Variants in DNAH7 observed in about 807,000 individuals in gnomAD.
The protein encoded by DNAH7 is dynein axonemal heavy chain 7, also known as axonemal beta dynein heavy chain 7.
DNAH7 carries 397 observed loss-of-function variants against 444.6 expected under a neutral mutation model. That is an observed-to-expected ratio of 0.89 (90% CI 0.82 to 0.97). The LOEUF (loss-of-function observed/expected upper bound fraction) is 0.97, where lower values mean the gene tolerates loss of function less well. Among genes scored for constraint, DNAH7 ranks in the 50% least tolerant of loss-of-function variants. The pLI is 0.00. For missense variants in DNAH7, 4,902 were observed against 4,800.8 expected (o/e 1.02, Z -0.62); for synonymous variants, 1,636 against 1,624.4 (o/e 1.01, Z -0.17).
At position 195,817,099 on chromosome 2, in the gene DNAH7, A is replaced by G. The variant is rs931340434; in HGVS notation, c.9426-136T>C. ...TTTGTGACAAATATCTGTAATGGTG[A>G]TGCCTTATAATTAATTTCTTATCTC... On this transcript the variant is annotated intron_variant, in intron 50 of 64. Coordinates refer to ENST00000312428, the MANE Select transcript of DNAH7 (RefSeq NM_018897.3). The G allele has an allele frequency of 3.6e-5, 23 of 637,858 alleles. No homozygotes were observed. In the East Asian group the frequency reaches 6.4e-4, roughly 18 times the overall value. 39.5% of individuals were successfully genotyped at this position (637,858 alleles called of 1,614,324 possible).
At chr2:195,871,228 C>T (rs994240593) in intron 40 of DNAH7, among the ~76,000 whole-genome samples, 3 of 152,170 alleles carry the variant, frequency 2.0e-5, no homozygotes, top group African/African-American at 4.8e-5. Flanking sequence ...TTTTAAAAGA[C>T]CTTTTGAAAT....
At chr2:195,822,201 C>A (rs1489805581) in intron 49 of DNAH7, among the ~76,000 whole-genome samples, 1 of 152,042 alleles carries the variant, frequency 6.6e-6, no homozygotes, top group African/African-American at 2.4e-5. Context: ...AGATATTTTC[C>A]CTATTGGCAT....
chr2:195,950,597 C>G (rs1012624221), intron 19 of DNAH7, among the ~76,000 whole-genome samples: 1 of 151,656 alleles, frequency 6.6e-6, no homozygotes, highest in Non-Finnish European at 1.5e-5. Context: ...GCCTGTAATC[C>G]CAGCACTTTG....
chr2:195,967,151 G>A (rs1691534536), intron 17 of DNAH7, among the ~76,000 whole-genome samples: 1 of 151,982 alleles, frequency 6.6e-6, no homozygotes, highest in South Asian at 2.1e-4. Context: ...AGATTACCAT[G>A]AAGCTTGAAA....
intron 63 of DNAH7, among the ~76,000 whole-genome samples, chr2:195,752,104 A>G (rs1003798066): frequency 1.3e-5 from 2 of 151,998 alleles, no homozygotes; most frequent in African/African-American, 4.8e-5. Flanking sequence ...GACCCTGTCT[A>G]TACAAAAAAA....
intron 56 of DNAH7, among the ~76,000 whole-genome samples, chr2:195,795,055 A>G (rs1696069444): frequency 6.6e-6 from 1 of 152,220 alleles, no homozygotes; most frequent in Non-Finnish European, 1.5e-5. Flanking sequence ...GTCTGGAGAC[A>G]GATGAACCAT....
chr2:195,960,199 C>A (rs965910146), intron 18 of DNAH7, 61 bp downstream of exon 18: 2 of 1,361,500 alleles, frequency 1.5e-6, no homozygotes. Context: ...AAGAACTTTA[C>A]ATTAAACACA....
At chr2:195,797,372 C>T (rs113016132) in intron 55 of DNAH7, among the ~76,000 whole-genome samples, 260 of 152,236 alleles carry the variant, frequency 1.7e-3, no homozygotes, top group African/African-American at 6.1e-3. Context: ...CAGCCCCTCC[C>T]GAATGCCCAT....
In DNAH7 at chr2:196,048,419, T is replaced by G. The variant is rs769889205; in HGVS notation, c.142-15A>C. 6.9e-6 allele frequency: 11 copies of G among 1,603,724 alleles called. No individual in the cohort carries two copies. The highest frequency in any genetic ancestry group is 1.7e-4 in the Middle Eastern group (1 of 6,008). On this transcript the variant is annotated splice_polypyrimidine_tract_variant and intron_variant, in intron 3 of 64. Coordinates refer to ENST00000312428, the MANE Select transcript of DNAH7 (RefSeq NM_018897.3). ...TTTGTACTCACCTAAAATACAAAAT[T>G]TAAATAGCATTAACAAACAATATCA...
In DNAH7 at chr2:196,028,066, T is replaced by C. The variant is rs745628351; in HGVS notation, c.399-19A>G. 21 of 1,602,396 alleles carry C rather than the reference T, an allele frequency of 1.3e-5. No individual in the cohort carries two copies. In the South Asian group the frequency reaches 1.8e-4, roughly 14 times the overall value. ...TTGTTGCCTAAGAAAATGATAAACATACTATTCAAAAGTAGATAAGGGGCA... is the reference window on the plus strand; with the variant it reads ...TTGTTGCCTAAGAAAATGATAAACACACTATTCAAAAGTAGATAAGGGGCA... On this transcript the variant is annotated intron_variant, in intron 5 of 64. Transcript: ENST00000312428.
intron 64 of DNAH7, among the ~76,000 whole-genome samples, 137 bp downstream of exon 64, chr2:195,740,609 GTGTGTGTATATATATATATA>G (rs1199903681): frequency 1.8e-5 from 1 of 56,816 alleles, no homozygotes; most frequent in Non-Finnish European, 3.5e-5. Context: ...GTGTGTGTGT[GTGTGTGTATATATATATATA>G]TATATATATA....
At position 195,858,879 on chromosome 2, in the gene DNAH7, T is replaced by C; in HGVS notation, c.7737-75A>G. The stretch of plus-strand genomic sequence containing the variant: ...CATGAAGGAAAAACTTAAGTGTTTC[T>C]GAGCTTTCTAGGCTTTTTCAAGACA... On this transcript the variant is annotated intron_variant, in intron 42 of 64. Transcript: ENST00000312428. 4.6e-6 allele frequency: 6 copies of C among 1,304,492 alleles called. No individual in the cohort carries two copies. In the East Asian group the frequency reaches 1.2e-4, roughly 25 times the overall value. The allele number at this position is 1,304,492 out of a possible 1,614,324, so 80.8% of individuals were successfully genotyped here. A position where few individuals can be genotyped will look rare whatever the true frequency, so the allele number is the denominator to read the frequency against.
intron 4 of DNAH7, 128 bp downstream of exon 4, chr2:196,048,168 A>G: frequency 2.7e-6 from 2 of 727,542 alleles, no homozygotes; most frequent in Non-Finnish European, 4.2e-6. Context: ...ATGTATTGGG[A>G]AAATTTTTTT....
chr2:195,762,588 T>C (rs555481433), intron 61 of DNAH7, among the ~76,000 whole-genome samples: 11 of 152,110 alleles, frequency 7.2e-5, no homozygotes, highest in Admixed American at 2.0e-4. Context: ...TATACTTATA[T>C]CAGACAAAAT....
chr2:195,891,837 A>G (rs1407787408), intron 30 of DNAH7, 33 bp from the exon 31 acceptor site: 1 of 1,503,842 alleles, frequency 6.6e-7, no homozygotes, highest in African/African-American at 1.4e-5. Context: ...TATTTATGTA[A>G]AGAATACTGT....
At chr2:195,929,825 G>C (rs948246629) in intron 21 of DNAH7, among the ~76,000 whole-genome samples, 1 of 152,178 alleles carries the variant, frequency 6.6e-6, no homozygotes, top group East Asian at 1.9e-4. Flanking sequence ...AAGTATTTAT[G>C]ACTAAGTTCT....
intron 58 of DNAH7, among the ~76,000 whole-genome samples, chr2:195,784,237 A>G (rs907629814): frequency 1.3e-5 from 2 of 152,206 alleles, no homozygotes; most frequent in African/African-American, 2.4e-5. Flanking sequence ...AATAAAAATC[A>G]TCTGTGTTCT....
intron 18 of DNAH7, among the ~76,000 whole-genome samples, chr2:195,958,172 C>T (rs1348891202): frequency 2.0e-5 from 3 of 152,070 alleles, no homozygotes; most frequent in Non-Finnish European, 4.4e-5. Context: ...CTAACACCCT[C>T]TCCCCCTCTT....
At chr2:195,847,484 C>T (rs1379237513) in intron 46 of DNAH7, among the ~76,000 whole-genome samples, 1 of 151,362 alleles carries the variant, frequency 6.6e-6, no homozygotes, top group African/African-American at 2.4e-5. Flanking sequence ...GACACTGGGG[C>T]CTACTTGAGG....
Sources: allele counts gnomAD v4.1 joint callset (sites outside exome capture counted in the v4.1 genomes callset), GRCh38; gene constraint gnomAD v4.1.1; transcripts MANE v1.5; gene names NCBI Gene and HGNC (gene_info 2026-07-23, HGNC 2026-07-21).